Variants in ZNF277 observed in about 807,000 individuals in gnomAD.
ZNF277 encodes nuclear receptor-interacting factor 4.
Under a neutral mutation model 60.7 loss-of-function variants are expected in ZNF277, and 55 were observed. That is an observed-to-expected ratio of 0.91 (90% confidence interval 0.73 to 1.13). The LOEUF is 1.13. Ranked by LOEUF, ZNF277 falls within the 50% of genes most tolerant of loss-of-function variation. ZNF277 has a pLI of 0.00. For missense variants in ZNF277, 510 were observed against 523.0 expected (o/e 0.98, Z 0.24); for synonymous variants, 178 against 179.3 (o/e 0.99, Z 0.06).
At chr7:112,276,226 T>G (rs1791790687) in intron 1 of ZNF277, among the ~76,000 whole-genome samples, 1 of 152,206 alleles carries the variant, frequency 6.6e-6, no homozygotes, top group Non-Finnish European at 1.5e-5. Flanking sequence ...GATAGTACCT[T>G]GGGAATGTAT....
intron 5 of ZNF277, among the ~76,000 whole-genome samples, chr7:112,319,652 TTATATAATA>T (rs1371919744): frequency 2.0e-5 from 3 of 147,556 alleles, no homozygotes; most frequent in Admixed American, 1.4e-4. Context: ...AATTTATAAA[TTATATAATA>T]TATATAATAT....
intron 1 of ZNF277, among the ~76,000 whole-genome samples, chr7:112,234,950 G>A (rs1470022998): frequency 2.6e-5 from 4 of 151,658 alleles, no homozygotes; most frequent in Non-Finnish European, 5.9e-5. Flanking sequence ...ATTTGAAGGA[G>A]TCTTATATAG....
chr7:112,254,981 AAAAC>A (rs561602156), intron 1 of ZNF277, among the ~76,000 whole-genome samples: 10 of 152,234 alleles, frequency 6.6e-5, no homozygotes, highest in African/African-American at 1.7e-4. Flanking sequence ...TCAAAGAAAC[AAAAC>A]AAACAAACAA....
intron 7 of ZNF277, among the ~76,000 whole-genome samples, chr7:112,333,570 G>T (rs1240216365): frequency 6.6e-6 from 1 of 152,092 alleles, no homozygotes. Context: ...ACAATGATGG[G>T]AACATCCAGG....
chr7:112,261,491 G>A (rs76422258), intron 1 of ZNF277, among the ~76,000 whole-genome samples: 5,284 of 151,694 alleles, frequency 0.035, 158 homozygotes, highest in East Asian at 0.12. Flanking sequence ...AGCCTATATC[G>A]ACAATCATTT....
chr7:112,290,023 A>G (rs751207384), intron 2 of ZNF277, among the ~76,000 whole-genome samples: 5 of 151,832 alleles, frequency 3.3e-5, no homozygotes, highest in Non-Finnish European at 5.9e-5. Flanking sequence ...TTATGGTTTC[A>G]CCATGTTGCC....
intron 1 of ZNF277, among the ~76,000 whole-genome samples, chr7:112,229,197 CTG>C (rs1244502197): frequency 6.6e-6 from 1 of 152,230 alleles, no homozygotes; most frequent in Non-Finnish European, 1.5e-5. Context: ...AGGTTAAGCT[CTG>C]AGGAATGGAT....
At chr7:112,286,346 C>T (rs974469359) in intron 1 of ZNF277, among the ~76,000 whole-genome samples, 3 of 152,158 alleles carry the variant, frequency 2.0e-5, no homozygotes, top group African/African-American at 4.8e-5. Flanking sequence ...GTCTACCCAG[C>T]GTGAGAGCTT....
intron 1 of ZNF277, among the ~76,000 whole-genome samples, chr7:112,224,845 G>GA (rs1444888720): frequency 6.6e-6 from 1 of 152,056 alleles, no homozygotes; most frequent in East Asian, 1.9e-4. Flanking sequence ...TAAAAGTCCT[G>GA]AAAAAAATTT....
At chr7:112,332,350 A>T (rs1793245078) in intron 7 of ZNF277, among the ~76,000 whole-genome samples, 1 of 152,126 alleles carries the variant, frequency 6.6e-6, no homozygotes, top group Non-Finnish European at 1.5e-5. Flanking sequence ...TCTTATAGGT[A>T]AGGGGACTGG....
In ZNF277 at chr7:112,337,804, A is replaced by C. The variant is rs1584422793; in HGVS notation, c.944A>C (p.Glu315Ala). 6.2e-7 allele frequency: 1 copy of C among 1,611,922 alleles called. No homozygotes were observed. The highest frequency in any genetic ancestry group is 2.2e-5 in the East Asian group (1 of 44,848). ...TGTGAAAAGCAAGCAGAAACAATTGAGAAGTTGTATGTCCACATGGAGGTA... is the reference window on the plus strand; with the variant it reads ...TGTGAAAAGCAAGCAGAAACAATTGCGAAGTTGTATGTCCACATGGAGGTA... ...LFCEKQAETI[E>A]KLYVHMEDAH... is the part of the protein sequence containing the mutation. Residue 315 changes from glutamate to alanine, a missense_variant, in exon 9 of 12, where the codon GAG becomes GCG. Physicochemically the swap from Glu to Ala is moderately radical, Grantham distance 107 (BLOSUM62 -1). Coordinates refer to ENST00000361822, the MANE Select transcript of ZNF277 (RefSeq NM_021994.3).
At chr7:112,272,384 C>T (rs1791690823) in intron 1 of ZNF277, among the ~76,000 whole-genome samples, 1 of 140,698 alleles carries the variant, frequency 7.1e-6, no homozygotes, top group Non-Finnish European at 1.5e-5. Flanking sequence ...CTGCAACAAA[C>T]AGCAGATATC....
At chr7:112,255,442 C>T (rs999962667) in intron 1 of ZNF277, among the ~76,000 whole-genome samples, 4 of 152,132 alleles carry the variant, frequency 2.6e-5, no homozygotes, top group Non-Finnish European at 5.9e-5. Context: ...AAAGCTGAAC[C>T]ACCTCTATGC....
rs775402467 is a variant in ZNF277, at chr7:112,287,049, G to A, written c.268G>A (p.Val90Ile). The stretch of plus-strand genomic sequence containing the variant: ...TGAGCATAAGATTGTCATAGCTGAT[G>A]TCAAGTTGGTTGCTGATTTCCAAAG... ...IIEHKIVIAD[V>I]KLVADFQRYI... The change falls in exon 2 of 12, where the codon GTC (valine) becomes ATC (isoleucine). Residue 90 changes from valine (V) to isoleucine (I), a missense_variant. By Grantham distance (29) the Val-to-Ile change is conservative (BLOSUM62 3). Coordinates refer to ENST00000361822, the MANE Select transcript of ZNF277 (RefSeq NM_021994.3). 6.2e-7 allele frequency: 1 copy of A among 1,614,024 alleles called. No individual in the cohort carries two copies. The highest frequency in any genetic ancestry group is 8.5e-7 in the Non-Finnish European group (1 of 1,179,936).
intron 4 of ZNF277, among the ~76,000 whole-genome samples, chr7:112,297,922 C>T (rs1358330919): frequency 1.3e-5 from 2 of 152,158 alleles, no homozygotes; most frequent in Non-Finnish European, 2.9e-5. Context: ...TGCAGATGGA[C>T]TCAGGTCTCT....
intron 1 of ZNF277, among the ~76,000 whole-genome samples, chr7:112,223,650 T>A (rs1822094638): frequency 6.6e-6 from 1 of 152,188 alleles, no homozygotes; most frequent in Admixed American, 6.5e-5. Flanking sequence ...TTTTAGAAAC[T>A]CCTGCCTAAA....
chr7:112,252,581 T>C (rs1255675902), intron 1 of ZNF277, among the ~76,000 whole-genome samples: 1 of 152,136 alleles, frequency 6.6e-6, no homozygotes, highest in Non-Finnish European at 1.5e-5. Context: ...TGAAAAGGAA[T>C]TCTACTGGGT....
intron 1 of ZNF277, among the ~76,000 whole-genome samples, chr7:112,275,231 T>C (rs1791766282): frequency 6.6e-6 from 1 of 152,198 alleles, no homozygotes; most frequent in South Asian, 2.1e-4. Flanking sequence ...AGTATCTGCC[T>C]CTTAAAACAC....
Position 112,309,234 on chromosome 7 carries a change from A to G in ZNF277, c.466-8948A>G, listed in dbSNP as rs192650362. On this transcript the variant is annotated intron_variant, in intron 4 of 11. Transcript: ENST00000361822. ...AATGTCTCCTCCTGATGATCTCCTGAAGCCTGTGCCTCTGTATCCATGTGA... is the reference window on the plus strand; with the variant it reads ...AATGTCTCCTCCTGATGATCTCCTGGAGCCTGTGCCTCTGTATCCATGTGA... Among the ~76,000 whole-genome samples the G allele has an allele frequency of 1.2e-3, 176 of 152,052 alleles. 1 individual carries two copies. Among genetic ancestry groups the G allele is most frequent in the African/African-American group, 4.0e-3 (165 of 41,526 alleles).
Sources: allele counts gnomAD v4.1 joint callset (sites outside exome capture counted in the v4.1 genomes callset), GRCh38; gene constraint gnomAD v4.1.1; transcripts MANE v1.5; gene names NCBI Gene and HGNC (gene_info 2026-07-23, HGNC 2026-07-21).